The following PGAP4 variants were observed in gnomAD, a reference collection of about 807,000 sequenced individuals.
PGAP4 encodes the protein post-GPI attachment to proteins GalNAc transferase 4, also known as GPI-N-acetylgalactosamine transferase PGAP4.
In PGAP4, 12 loss-of-function variants were observed where a neutral mutation model predicts 28.2. The observed-to-expected ratio is 0.42, with a 90% CI of 0.27 to 0.69. The LOEUF (loss-of-function observed/expected upper bound fraction) is 0.69, where lower values mean the gene tolerates loss of function less well. Among genes scored for constraint, PGAP4 ranks in the 30% least tolerant of loss-of-function variants. PGAP4 has a pLI of 0.22. For missense variants in PGAP4, 425 were observed against 513.5 expected (o/e 0.83, Z 1.67); for synonymous variants, 205 against 211.8 (o/e 0.97, Z 0.28).
chr9:101,531,918 G>T (rs1827093780), intron 1 of PGAP4, among the ~76,000 whole-genome samples: 1 of 152,210 alleles, frequency 6.6e-6, no homozygotes, highest in Non-Finnish European at 1.5e-5. Flanking sequence ...AAAGATTAGT[G>T]GGGATTATGG....
intron 1 of PGAP4, among the ~76,000 whole-genome samples, chr9:101,479,143 A>C (rs1826409656): frequency 6.6e-6 from 1 of 152,262 alleles, no homozygotes; most frequent in African/African-American, 2.4e-5. Context: ...AACATCCAGC[A>C]TATTGCAGAC....
intron 1 of PGAP4, among the ~76,000 whole-genome samples, chr9:101,484,264 A>G (rs1201253726): frequency 2.0e-5 from 3 of 152,054 alleles, no homozygotes. Flanking sequence ...GAAGACAGAA[A>G]GAGAGAAGGA....
rs1309082504 is a variant in PGAP4, at chr9:101,475,820, A to G, written c.*61T>C. 6.6e-7 allele frequency: 1 copy of G among 1,515,636 alleles called. No homozygotes were observed. Among genetic ancestry groups the G allele is most frequent in the Admixed American group, 1.9e-5 (1 of 53,068 alleles). The allele number at this position is 1,515,636 out of a possible 1,614,324, so 93.9% of individuals were successfully genotyped here. The stretch of plus-strand genomic sequence containing the variant: ...ACCTGCAGGCAACCATGTCTAAATA[A>G]AGAGATAAATATTTGAATCTTCAAG... On this transcript the variant is annotated 3_prime_UTR_variant, in exon 2 of 2. Transcript: ENST00000374848.
intron 2 of PGAP4, among the ~76,000 whole-genome samples, chr9:101,524,080 G>T (rs1316431894): frequency 6.6e-6 from 1 of 151,874 alleles, no homozygotes; most frequent in African/African-American, 2.4e-5. Flanking sequence ...AGAGTGCTGT[G>T]ATGTGAACTG....
chr9:101,528,801 T>G (rs1415526862), intron 2 of PGAP4, among the ~76,000 whole-genome samples: 5 of 152,212 alleles, frequency 3.3e-5, no homozygotes, highest in Middle Eastern at 3.4e-3. Flanking sequence ...TTAGTTTTTT[T>G]TTTTTTTTTT....
rs1826328748 is a variant in PGAP4, at chr9:101,476,703, C to T, written c.390G>A (p.Gln130=). The T allele has an allele frequency of 6.2e-7, 1 of 1,614,118 alleles. No homozygotes were observed. The highest frequency in any genetic ancestry group is 8.5e-7 in the Non-Finnish European group (1 of 1,180,026). ...GCCCCTCGCACTGGGGGCCACATTG[C>T]TGAAGAAGCCGGTGGAACTGGGACA... ...QVVSQFHRLL[Q]QCGPQCEGHQ... Residue 130 remains glutamine, a synonymous_variant, in exon 2 of 2, where the codon CAG becomes CAA. Transcript: ENST00000374848. This position sits in a 1 kb window ranked among gnomAD's most constrained non-coding sequence, Gnocchi z 7.0.
At chr9:101,495,162 TTA>T (rs1554709169) in intron 2 of PGAP4, among the ~76,000 whole-genome samples, 2 of 110,068 alleles carry the variant, frequency 1.8e-5, no homozygotes, top group African/African-American at 6.8e-5. Flanking sequence ...ATTATATATT[TTA>T]TATATATTAT....
At chr9:101,477,928 G>GGA (rs138061843) in intron 1 of PGAP4, among the ~76,000 whole-genome samples, 1 of 151,920 alleles carries the variant, frequency 6.6e-6, no homozygotes, top group Non-Finnish European at 1.5e-5. Flanking sequence ...AGCGGGGGGG[G>GGA]AAAGGCAGAG....
intron 2 of PGAP4, among the ~76,000 whole-genome samples, chr9:101,515,030 T>C (rs1260166897): frequency 1.3e-5 from 2 of 152,216 alleles, no homozygotes. Context: ...CAATCTTTGT[T>C]GAGTGCTATG....
intron 2 of PGAP4, among the ~76,000 whole-genome samples, chr9:101,525,693 G>A (rs1489973780): frequency 1.7e-5 from 2 of 116,450 alleles, no homozygotes; most frequent in Non-Finnish European, 3.3e-5. Context: ...CGGCAACAGA[G>A]CGTCTCAAAA....
intron 2 of PGAP4, among the ~76,000 whole-genome samples, chr9:101,493,826 G>C (rs531412517): frequency 1.1e-4 from 16 of 152,106 alleles, no homozygotes; most frequent in African/African-American, 3.6e-4. Context: ...TTAGTTTATA[G>C]AGCTTTAGGA....
chr9:101,494,836 A>C (rs1439998600), intron 2 of PGAP4, among the ~76,000 whole-genome samples: 2 of 151,450 alleles, frequency 1.3e-5, no homozygotes, highest in Admixed American at 6.6e-5. Context: ...GTAGCATTTT[A>C]AGATAACCAG....
chr9:101,496,822 C>T (rs1052857704), intron 2 of PGAP4, among the ~76,000 whole-genome samples: 5 of 150,550 alleles, frequency 3.3e-5, no homozygotes. Context: ...GTTTTACATT[C>T]TTTGAATTTA....
chr9:101,509,801 C>A (rs1826879581), intron 2 of PGAP4, among the ~76,000 whole-genome samples: 1 of 152,160 alleles, frequency 6.6e-6, no homozygotes, highest in Admixed American at 6.5e-5. Context: ...CACGGTGCTT[C>A]TGACTCACAT....
chr9:101,517,636 G>T (rs1588209678), intron 2 of PGAP4, among the ~76,000 whole-genome samples: 2 of 152,270 alleles, frequency 1.3e-5, no homozygotes, highest in East Asian at 3.9e-4. Context: ...ATGGTTGTTG[G>T]GTTGGGGGAG....
chr9:101,490,485 C>G (rs1170533061), upstream of PGAP4, among the ~76,000 whole-genome samples: 1 of 152,194 alleles, frequency 6.6e-6, no homozygotes, highest in Non-Finnish European at 1.5e-5. Flanking sequence ...CCACTGCGCT[C>G]AGCCCAAACC....
chr9:101,497,813 G>C (rs1337008103), intron 2 of PGAP4, among the ~76,000 whole-genome samples: 1 of 151,188 alleles, frequency 6.6e-6, no homozygotes, highest in African/African-American at 2.4e-5. Context: ...AGGGAATTTG[G>C]GTCAACTAAG....
chr9:101,491,805 C>G (rs897274276), upstream of PGAP4, among the ~76,000 whole-genome samples: 1 of 102,292 alleles, frequency 9.8e-6, no homozygotes, highest in Non-Finnish European at 1.9e-5. Context: ...AGAATGAAAT[C>G]TTAAAGGATA....
chr9:101,477,178 A>C lies in PGAP4; in HGVS notation c.-77-9T>G. 1 of 1,461,852 alleles carries C rather than the reference A, an allele frequency of 6.8e-7. No homozygotes were observed. Among genetic ancestry groups the C allele is most frequent in the South Asian group, 1.5e-5 (1 of 66,122 alleles). 90.6% of individuals were successfully genotyped at this position (1,461,852 alleles called of 1,614,324 possible). ...GTCATCAGAAATCAAACCTAAAGAG[A>C]GAGGAAGTAGGGAATGGTAAGAGTA... On this transcript the variant is annotated splice_polypyrimidine_tract_variant and intron_variant, in intron 1 of 1. Transcript: ENST00000374848.
Sources: allele counts gnomAD v4.1 joint callset (sites outside exome capture counted in the v4.1 genomes callset), GRCh38; gene constraint gnomAD v4.1.1; non-coding constraint Gnocchi (gnomAD v3.1); transcripts MANE v1.5; gene names NCBI Gene and HGNC (gene_info 2026-07-23, HGNC 2026-07-21).